The following ACYP2 variants were observed in gnomAD, a reference collection of about 807,000 sequenced individuals.
ACYP2 encodes the protein acylphosphatase-2.
In ACYP2, 12 loss-of-function variants were observed where a neutral mutation model predicts 11.2. The observed-to-expected ratio is 1.08, with a 90% confidence interval of 0.69 to 1.74. The LOEUF (loss-of-function observed/expected upper bound fraction) is 1.74. Among genes scored for constraint, ACYP2 ranks in the 40% most tolerant of loss-of-function variants. The probability of loss-of-function intolerance (pLI) is 0.00; values close to 1 mark genes in which losing one functional copy is unlikely to be tolerated. For missense variants in ACYP2, 134 were observed against 101.9 expected, an observed-to-expected ratio of 1.31 and a Z score of -1.35; for synonymous variants, 43 against 32.2, an observed-to-expected ratio of 1.33 and a Z score of -1.13.
chr2:54,066,311 G>A (rs1347437277), intron 4 of ACYP2, among the ~76,000 whole-genome samples: 1 of 152,168 alleles, frequency 6.6e-6, no homozygotes, highest in Non-Finnish European at 1.5e-5. Flanking sequence ...GACATGCCTT[G>A]CTTCCCCTTC....
intron 4 of ACYP2, chr2:54,065,449 A>G: frequency 2.5e-6 from 1 of 398,566 alleles, no homozygotes; most frequent in African/African-American, 2.1e-5. Flanking sequence ...TTGTATGTAC[A>G]TTTTCTTTAG....
At chr2:54,189,809 A>G (rs1054738648) in intron 6 of ACYP2, among the ~76,000 whole-genome samples, 1 of 152,104 alleles carries the variant, frequency 6.6e-6, no homozygotes, top group Non-Finnish European at 1.5e-5. Flanking sequence ...GGCTGCACCA[A>G]TCTTCATCCC....
intron 2 of ACYP2, among the ~76,000 whole-genome samples, chr2:54,045,682 G>A (rs1395233146): frequency 6.6e-6 from 1 of 152,056 alleles, no homozygotes; most frequent in Non-Finnish European, 1.5e-5. Flanking sequence ...TGGGTGTGGT[G>A]GCAGTCGCCT....
chr2:54,304,921 C>A lies in ACYP2; in HGVS notation c.*119C>A. The A allele has an allele frequency of 2.0e-6, 1 of 493,004 alleles. No individual in the cohort carries two copies. The highest frequency in any genetic ancestry group is 3.5e-6 in the Non-Finnish European group (1 of 288,398). 30.5% of individuals were successfully genotyped at this position (493,004 alleles called of 1,614,324 possible). On this transcript the variant is annotated 3_prime_UTR_variant, in exon 7 of 7. Coordinates refer to ENST00000607452, the MANE Select transcript of ACYP2 (RefSeq NM_001320586.2). Reference sequence around the variant, plus strand: ...GGAACTTTCTGTTCTGAAAGCTAAGCGACTGTACGTGCTACTAAAAATGTC... The same window carrying A: ...GGAACTTTCTGTTCTGAAAGCTAAGAGACTGTACGTGCTACTAAAAATGTC...
intron 6 of ACYP2, among the ~76,000 whole-genome samples, chr2:54,300,626 T>A (rs1039431950): frequency 1.3e-5 from 2 of 152,224 alleles, no homozygotes; most frequent in Admixed American, 1.3e-4. Context: ...TTTCCTTTCC[T>A]CGCTTTCCAC....
chr2:54,113,682 G>A (rs1679578511), intron 4 of ACYP2, among the ~76,000 whole-genome samples: 1 of 152,208 alleles, frequency 6.6e-6, no homozygotes, highest in African/African-American at 2.4e-5. Flanking sequence ...CACTCGCAGA[G>A]ATGACTGAGC....
chr2:53,997,665 A>T (rs1485868611), intron 2 of ACYP2, among the ~76,000 whole-genome samples: 1 of 152,090 alleles, frequency 6.6e-6, no homozygotes, highest in Non-Finnish European at 1.5e-5. Flanking sequence ...TTTCAGCTCT[A>T]TGTCATTTCC....
chr2:54,267,458 G>A, intron 6 of ACYP2: 3 of 1,195,258 alleles, frequency 2.5e-6, no homozygotes, highest in Middle Eastern at 2.0e-4. Flanking sequence ...GGAGCTGGGG[G>A]AAGAGTGGTC....
At chr2:54,000,826 A>G (rs917289058) in intron 2 of ACYP2, among the ~76,000 whole-genome samples, 2 of 152,194 alleles carry the variant, frequency 1.3e-5, no homozygotes, top group African/African-American at 2.4e-5. Context: ...ATGGTCTTCT[A>G]ACTTCAAAGG....
chr2:54,217,900 C>G (rs1009673966), intron 6 of ACYP2, among the ~76,000 whole-genome samples: 1 of 152,258 alleles, frequency 6.6e-6, no homozygotes, highest in Middle Eastern at 3.4e-3. Flanking sequence ...TTAAGTATGG[C>G]TCCACATCCA....
intron 2 of ACYP2, among the ~76,000 whole-genome samples, chr2:54,041,604 C>T (rs1244227296): frequency 6.6e-6 from 1 of 152,140 alleles, no homozygotes; most frequent in Non-Finnish European, 1.5e-5. Context: ...TTTGGCTGCA[C>T]AGGTGTACGA....
chr2:54,087,279 C>T (rs140663381), intron 4 of ACYP2, among the ~76,000 whole-genome samples: 4 of 152,326 alleles, frequency 2.6e-5, no homozygotes, highest in African/African-American at 9.6e-5. Context: ...TTAAAGTGTA[C>T]ATTTGTTATT....
At chr2:54,095,374 T>C (rs1024815599) in intron 4 of ACYP2, among the ~76,000 whole-genome samples, 7 of 152,272 alleles carry the variant, frequency 4.6e-5, no homozygotes, top group African/African-American at 1.7e-4. Context: ...ATTGTCATCC[T>C]GGCCCGTTCT....
intron 6 of ACYP2, among the ~76,000 whole-genome samples, chr2:54,286,146 C>G (rs1689070307): frequency 6.7e-6 from 1 of 150,140 alleles, no homozygotes; most frequent in South Asian, 2.1e-4. Flanking sequence ...GGCGCAGTGG[C>G]CTTTGGGAGG....
chr2:54,291,128 T>C (rs936872309), intron 6 of ACYP2, among the ~76,000 whole-genome samples: 85 of 152,182 alleles, frequency 5.6e-4, no homozygotes, highest in Non-Finnish European at 1.8e-4. Flanking sequence ...CCCAAAGCAC[T>C]TTTCAGTTAT....
intron 3 of ACYP2, among the ~76,000 whole-genome samples, chr2:54,056,598 G>A (rs1414301779): frequency 1.3e-5 from 2 of 152,124 alleles, no homozygotes; most frequent in African/African-American, 4.8e-5. Flanking sequence ...CATTTATAAT[G>A]ATGTATATTT....
rs59874821 is a variant in ACYP2, at chr2:54,201,636, C to CTTTCTCTTTCTTTCTT, written c.404+62889_404+62890insTTCTCTTTCTTTCTTT. Among the ~76,000 whole-genome samples the CTTTCTCTTTCTTTCTT allele has an allele frequency of 3.9e-3, 361 of 93,678 alleles. 9 individuals carry two copies. The highest frequency in any genetic ancestry group is 0.014 in the Admixed American group (128 of 8,946). 61.5% of individuals were successfully genotyped at this position (93,678 alleles called of 152,430 possible). On this transcript the variant is annotated intron_variant, in intron 6 of 6. Coordinates refer to ENST00000607452, the MANE Select transcript of ACYP2 (RefSeq NM_001320586.2). ...TCTTTCTTTCTTTGTTTCTTTCTTT[C>CTTTCTCTTTCTTTCTT]TCTTTCTTTCTTTCTTTCTTTCTTT...
intron 6 of ACYP2, among the ~76,000 whole-genome samples, chr2:54,204,035 C>T (rs754458678): frequency 1.4e-4 from 22 of 152,144 alleles, no homozygotes; most frequent in Non-Finnish European, 2.9e-4. Context: ...CGCTCTGTCA[C>T]CCCGGCTGGA....
At chr2:54,165,088 A>G (rs185817737) in intron 6 of ACYP2, among the ~76,000 whole-genome samples, 1 of 151,266 alleles carries the variant, frequency 6.6e-6, no homozygotes, top group South Asian at 2.1e-4. Context: ...TATGTGCTAT[A>G]TTTTTTTTTA....
Sources: allele counts gnomAD v4.1 joint callset (sites outside exome capture counted in the v4.1 genomes callset), GRCh38; gene constraint gnomAD v4.1.1; transcripts MANE v1.5; gene names NCBI Gene and HGNC (gene_info 2026-07-23, HGNC 2026-07-21).